AKR1D1: variants seen among roughly 807,000 people sequenced by gnomAD.
The protein encoded by AKR1D1 is aldo-keto reductase family 1 member D1.
Under a neutral mutation model 42.6 loss-of-function variants are expected in AKR1D1, and 32 were observed. The observed-to-expected ratio is 0.75, with a 90% CI of 0.57 to 1.01. The LOEUF (loss-of-function observed/expected upper bound fraction) is 1.01. Ranked by LOEUF, AKR1D1 falls within the 50% of genes least tolerant of loss-of-function variation. The pLI, the probability that AKR1D1 is intolerant of heterozygous loss-of-function variation, is 0.00. For missense variants in AKR1D1, 364 were observed against 402.2 expected (o/e 0.91, Z 0.81); for synonymous variants, 123 against 135.5 (o/e 0.91, Z 0.64).
rs182820353 is a variant in AKR1D1, at chr7:138,107,522, G to A, written c.797G>A (p.Arg266Gln). 3.8e-5 allele frequency: 61 copies of A among 1,614,156 alleles called. No homozygotes were observed. The East Asian group carries it at 4.5e-4, about 12-fold the overall frequency. Residue 266 changes from arginine to glutamine, a missense_variant, in exon 7 of 9, where the codon CGA (arginine) becomes CAA (glutamine). By Grantham distance (43) the Arg-to-Gln change is conservative. Transcript: ENST00000242375. The stretch of plus-strand genomic sequence containing the variant: ...ATTGTTTTGCGTTTCAACATCCAGC[G>A]AGGGGTGGTTGTCATTCCTAAAAGC... ...AQIVLRFNIQ[R>Q]GVVVIPKSFN...
intron 1 of AKR1D1, among the ~76,000 whole-genome samples, chr7:138,080,409 G>T (rs542169556): frequency 1.3e-5 from 2 of 152,242 alleles, no homozygotes; most frequent in South Asian, 2.1e-4. Context: ...TTTAAATTAT[G>T]CAATGCACTT....
chr7:138,114,495 A>C (rs1183658633), intron 8 of AKR1D1, among the ~76,000 whole-genome samples: 1 of 151,562 alleles, frequency 6.6e-6, no homozygotes, highest in East Asian at 1.9e-4. Context: ...CCCCGTCTCT[A>C]CTAAAAATAC....
chr7:138,096,393 G>T (rs572479413), intron 3 of AKR1D1, among the ~76,000 whole-genome samples: 2 of 152,124 alleles, frequency 1.3e-5, no homozygotes, highest in Admixed American at 6.5e-5. Context: ...TTCTTGCTAT[G>T]TCATCACATG....
In AKR1D1 at chr7:138,090,691, A is replaced by C. The variant is rs906831777; in HGVS notation, c.262-1077A>C. The stretch of plus-strand genomic sequence containing the variant: ...TATGATTCTAAACTTATATCCCCCC[A>C]AAAAAATCTGTGAGCAAAACTGATA... On this transcript the variant is annotated intron_variant, in intron 2 of 8. Transcript: ENST00000242375. 5.3e-5 allele frequency among the ~76,000 whole-genome samples: 8 copies of C among 152,022 alleles called. No individual in the cohort carries two copies. In the East Asian group the frequency reaches 1.4e-3, roughly 26 times the overall value.
At chr7:138,105,489 A>C (rs1218240755) in intron 5 of AKR1D1, 60 bp downstream of exon 5, 4 of 1,608,512 alleles carry the variant, frequency 2.5e-6, no homozygotes, top group South Asian at 1.1e-5. Context: ...ACATGACACA[A>C]AGAAGCCTCA....
chr7:138,090,562 G>T (rs546129574), intron 2 of AKR1D1, among the ~76,000 whole-genome samples: 1 of 151,310 alleles, frequency 6.6e-6, no homozygotes, highest in Non-Finnish European at 1.5e-5. Context: ...GCTTGAACCC[G>T]GGAGGCAGAG....
At position 138,079,887 on chromosome 7, in the gene AKR1D1, A is replaced by T. The variant is rs889531281; in HGVS notation, c.93+3276A>T. 3.9e-5 allele frequency among the ~76,000 whole-genome samples: 6 copies of T among 152,346 alleles called. No homozygotes were observed. In the South Asian group the frequency reaches 1.2e-3, roughly 32 times the overall value. ...CAATGTAGATGGCGTGACTTGCTCC[A>T]GAACCCTACAGGCTTACCTTGTAAT... On this transcript the variant is annotated intron_variant, in intron 1 of 8. Transcript: ENST00000242375.
chr7:138,081,681 A>G (rs1047377459), intron 1 of AKR1D1, among the ~76,000 whole-genome samples: 2 of 151,856 alleles, frequency 1.3e-5, no homozygotes, highest in African/African-American at 4.8e-5. Context: ...GGTGTGCACC[A>G]CAACACCCAG....
At chr7:138,105,261 C>T (rs771946034) in intron 4 of AKR1D1, 46 bp from the exon 5 acceptor site, 99 of 1,613,708 alleles carry the variant, frequency 6.1e-5, no homozygotes, top group Middle Eastern at 1.6e-4. Context: ...TTCATTCTTG[C>T]TTCTTGTGAG....
At chr7:138,105,465 TG>T (rs747519498) in intron 5 of AKR1D1, 36 bp downstream of exon 5, 4 of 1,611,928 alleles carry the variant, frequency 2.5e-6, no homozygotes, top group Middle Eastern at 1.9e-4. Flanking sequence ...GTGTGGGGAG[TG>T]GGGGCAGGAT....
intron 1 of AKR1D1, among the ~76,000 whole-genome samples, chr7:138,086,437 G>A (rs776999500): frequency 2.0e-5 from 3 of 152,016 alleles, no homozygotes; most frequent in Non-Finnish European, 4.4e-5. Flanking sequence ...TTCTAATGTT[G>A]CTGAAATGTG....
chr7:138,092,536 G>T (rs1363630235), intron 3 of AKR1D1, among the ~76,000 whole-genome samples: 1 of 152,148 alleles, frequency 6.6e-6, no homozygotes, highest in Non-Finnish European at 1.5e-5. Flanking sequence ...AGGTGGTAAG[G>T]TTTTATTTAC....
intron 4 of AKR1D1, among the ~76,000 whole-genome samples, chr7:138,102,746 A>G (rs1210546029): frequency 1.3e-5 from 2 of 152,226 alleles, no homozygotes; most frequent in African/African-American, 2.4e-5. Context: ...AGAAATGCCA[A>G]CGCAATTCAA....
Position 138,117,105 on chromosome 7 carries a change from CAA to C in AKR1D1, c.*444_*445del. 5 of 158,694 alleles carry C rather than the reference CAA, an allele frequency of 3.2e-5. No individual in the cohort carries two copies. Among genetic ancestry groups the C allele is most frequent in the Admixed American group, 1.2e-4 (2 of 16,312 alleles). 9.8% of individuals were successfully genotyped at this position (158,694 alleles called of 1,614,324 possible). On this transcript the variant is annotated 3_prime_UTR_variant, in exon 9 of 9. Coordinates refer to ENST00000242375, the MANE Select transcript of AKR1D1 (RefSeq NM_005989.4). ...CCATTGGTTACAAAACAGACACAGC[CAA>C]GATAAGATCCACACACACATTATTA...
chr7:138,115,802 A>G (rs571402863), intron 8 of AKR1D1, among the ~76,000 whole-genome samples: 1 of 152,328 alleles, frequency 6.6e-6, no homozygotes, highest in Admixed American at 6.5e-5. Flanking sequence ...CCATTTCATC[A>G]TTGTTATTTA....
Position 138,113,675 on chromosome 7 carries a change from T to C in AKR1D1, c.856-15T>C, listed in dbSNP as rs1297675691. The C allele has an allele frequency of 6.2e-7, 1 of 1,611,882 alleles. No homozygotes were observed. Among genetic ancestry groups the C allele is most frequent in the Admixed American group, 1.7e-5 (1 of 60,008 alleles). ...CTTGACCTTCAAAAATGTTCTATTATTTCCGTTATTTCAGATCTTTGACTT... is the reference window on the plus strand; with the variant it reads ...CTTGACCTTCAAAAATGTTCTATTACTTCCGTTATTTCAGATCTTTGACTT... On this transcript the variant is annotated splice_polypyrimidine_tract_variant and intron_variant, in intron 7 of 8. Transcript: ENST00000242375.
intron 1 of AKR1D1, among the ~76,000 whole-genome samples, chr7:138,081,409 G>A (rs1434795082): frequency 2.7e-5 from 4 of 150,210 alleles, no homozygotes; most frequent in Non-Finnish European, 5.9e-5. Flanking sequence ...ATGGTGTCTT[G>A]GTGTGCAGCT....
At chr7:138,089,011 G>T (rs1207832467) in intron 2 of AKR1D1, among the ~76,000 whole-genome samples, 1 of 152,030 alleles carries the variant, frequency 6.6e-6, no homozygotes, top group Non-Finnish European at 1.5e-5. Flanking sequence ...TATTAGTTTG[G>T]GAGAAGTAAG....
At chr7:138,110,243 A>G (rs565222175) in intron 7 of AKR1D1, among the ~76,000 whole-genome samples, 65 of 152,298 alleles carry the variant, frequency 4.3e-4, no homozygotes, top group African/African-American at 1.5e-3. Context: ...AGCATAAAGA[A>G]TAAAGGGAAA....
Sources: allele counts gnomAD v4.1 joint callset (sites outside exome capture counted in the v4.1 genomes callset), GRCh38; gene constraint gnomAD v4.1.1; transcripts MANE v1.5; gene names NCBI Gene and HGNC (gene_info 2026-07-23, HGNC 2026-07-21).